Variants in CAMTA1 observed in about 807,000 individuals in gnomAD.
The protein encoded by CAMTA1 is calmodulin-binding transcription activator 1.
Under a neutral mutation model 170.9 loss-of-function variants are expected in CAMTA1, and 27 were observed. That is an observed-to-expected ratio of 0.16 (90% CI 0.12 to 0.22). CAMTA1 has a LOEUF of 0.22. Among genes scored for constraint, CAMTA1 ranks in the 10% least tolerant of loss-of-function variants. The pLI is 1.00. For missense variants in CAMTA1, 1,619 were observed against 2,217.2 expected, an observed-to-expected ratio of 0.73 and a Z score of 5.42; for synonymous variants, 833 against 891.5, an observed-to-expected ratio of 0.93 and a Z score of 1.17.
chr1:7,254,974 G>T (rs1667144527), intron 5 of CAMTA1, among the ~76,000 whole-genome samples: 1 of 152,196 alleles, frequency 6.6e-6, no homozygotes, highest in African/African-American at 2.4e-5. Context: ...CAGCAGGGAG[G>T]CGCTGCGTGT....
chr1:7,675,655 G>A (rs765149285), intron 10 of CAMTA1, among the ~76,000 whole-genome samples: 4 of 152,158 alleles, frequency 2.6e-5, no homozygotes, highest in East Asian at 1.9e-4. Context: ...TCTCAGGTGC[G>A]CTGATGTTGC....
chr1:7,419,296 C>A (rs2091404708), intron 5 of CAMTA1, among the ~76,000 whole-genome samples: 1 of 152,220 alleles, frequency 6.6e-6, no homozygotes, highest in African/African-American at 2.4e-5. Flanking sequence ...GCTGGGATTA[C>A]AGGCATCTGC....
chr1:7,055,415 A>T (rs1707146734), intron 3 of CAMTA1, among the ~76,000 whole-genome samples: 1 of 152,200 alleles, frequency 6.6e-6, no homozygotes, highest in Non-Finnish European at 1.5e-5. Flanking sequence ...AGCCTGACTT[A>T]GCATCCCTGA....
chr1:7,157,819 G>C (rs1057099638), intron 4 of CAMTA1, among the ~76,000 whole-genome samples: 16 of 152,176 alleles, frequency 1.1e-4, no homozygotes, highest in African/African-American at 3.9e-4. Flanking sequence ...GAGTGGACAA[G>C]TGGAGGTATT....
In CAMTA1 at chr1:7,685,026, C is replaced by T. The variant is rs559512119; in HGVS notation, c.2914+7293C>T. Among the ~76,000 whole-genome samples, 12 of 151,680 alleles carry T rather than the reference C, an allele frequency of 7.9e-5. No individual in the cohort carries two copies. Among genetic ancestry groups the T allele is most frequent in the Non-Finnish European group, 1.6e-4 (11 of 67,918 alleles). On this transcript the variant is annotated intron_variant, in intron 11 of 22. Transcript: ENST00000303635. This position sits in a 1 kb window ranked among gnomAD's most constrained non-coding sequence, Gnocchi z 5.7. The stretch of plus-strand genomic sequence containing the variant: ...GTCGGGGAGTTCACAGGCACCGTCC[C>T]GCGGTCACAGGTGGCATGTTTTGAG...
chr1:7,479,057 C>T (rs898503232), intron 6 of CAMTA1, among the ~76,000 whole-genome samples: 4 of 152,266 alleles, frequency 2.6e-5, no homozygotes, highest in Admixed American at 1.3e-4. Flanking sequence ...TGCGTGTGGA[C>T]GTCAGCAGCT....
In CAMTA1 at chr1:6,833,319, A is replaced by G. The variant is rs529193065; in HGVS notation, c.234+8109A>G. On this transcript the variant is annotated intron_variant, in intron 3 of 22. Transcript: ENST00000303635. ...CCTGGCCATAGTCAGTGTTCAATAA[A>G]TATTTGTTGGATGAATTAACGTAAA... is the stretch of plus-strand genomic sequence containing the variant. 2.6e-5 allele frequency among the ~76,000 whole-genome samples: 4 copies of G among 152,334 alleles called. No individual in the cohort carries two copies. In the East Asian group the frequency reaches 7.7e-4, roughly 29 times the overall value.
chr1:7,393,018 G>A (rs548743261), intron 5 of CAMTA1, among the ~76,000 whole-genome samples: 8 of 150,014 alleles, frequency 5.3e-5, no homozygotes, highest in East Asian at 2.0e-4. Flanking sequence ...GCGCCACTGC[G>A]TTCCAGCCTG....
At chr1:6,942,477 G>A (rs1376831908) in intron 3 of CAMTA1, among the ~76,000 whole-genome samples, 2 of 152,034 alleles carry the variant, frequency 1.3e-5, no homozygotes, top group African/African-American at 2.4e-5. Flanking sequence ...GGGCAACATA[G>A]TGAGACCCCT....
At chr1:7,087,905 T>C (rs1396614148) in intron 3 of CAMTA1, among the ~76,000 whole-genome samples, 2 of 152,162 alleles carry the variant, frequency 1.3e-5, no homozygotes, top group Non-Finnish European at 1.5e-5. Flanking sequence ...AAATACTTTG[T>C]GTGGTTTTCG....
chr1:7,046,624 T>G (rs1477199784), intron 3 of CAMTA1, among the ~76,000 whole-genome samples: 1 of 152,164 alleles, frequency 6.6e-6, no homozygotes, highest in Non-Finnish European at 1.5e-5. Context: ...CCCTTGAAGA[T>G]CTCATGGTTC....
At chr1:7,709,224 C>T (rs1416326310) in intron 11 of CAMTA1, among the ~76,000 whole-genome samples, 1 of 152,206 alleles carries the variant, frequency 6.6e-6, no homozygotes, top group African/African-American at 2.4e-5. Flanking sequence ...AGAGGGGCCC[C>T]ACCTAAGCTG....
intron 3 of CAMTA1, among the ~76,000 whole-genome samples, chr1:7,002,062 A>G (rs1021749607): frequency 2.6e-5 from 4 of 151,802 alleles, no homozygotes; most frequent in Admixed American, 1.3e-4. Flanking sequence ...ACGCCTGGAT[A>G]AATTTTTGTA....
intron 3 of CAMTA1, among the ~76,000 whole-genome samples, chr1:6,938,388 C>G (rs895933151): frequency 2.0e-5 from 3 of 152,080 alleles, no homozygotes; most frequent in Non-Finnish European, 2.9e-5. Flanking sequence ...AGAGCTGGCC[C>G]TGGGGACTTG....
intron 3 of CAMTA1, among the ~76,000 whole-genome samples, chr1:7,026,282 C>T (rs1282786551): frequency 1.3e-5 from 2 of 152,154 alleles, no homozygotes; most frequent in African/African-American, 4.8e-5. Context: ...CCTGCGGAGC[C>T]TGGGTAGTGG....
At chr1:7,412,591 C>G (rs1197231404) in intron 5 of CAMTA1, among the ~76,000 whole-genome samples, 2 of 148,726 alleles carry the variant, frequency 1.3e-5, no homozygotes, top group Admixed American at 7.0e-5. Flanking sequence ...CCTTCGCCCA[C>G]TTTTTGATGG....
chr1:7,276,891 T>A (rs1159806467), intron 5 of CAMTA1, among the ~76,000 whole-genome samples: 2 of 152,186 alleles, frequency 1.3e-5, no homozygotes, highest in Non-Finnish European at 2.9e-5. Flanking sequence ...AAGGCCAATA[T>A]TTTTTTGAAG....
chr1:7,292,227 A>G (rs932076273), intron 5 of CAMTA1, among the ~76,000 whole-genome samples: 25 of 152,168 alleles, frequency 1.6e-4, no homozygotes, highest in Non-Finnish European at 3.5e-4. Flanking sequence ...TGTGAGCTAG[A>G]GGGAAGGCTT....
At chr1:7,261,602 A>G (rs961098554) in intron 5 of CAMTA1, among the ~76,000 whole-genome samples, 1 of 152,238 alleles carries the variant, frequency 6.6e-6, no homozygotes, top group African/African-American at 2.4e-5. Flanking sequence ...ACAGCAGATC[A>G]GAATGCCCCG....
Sources: gnomAD v4.1 joint callset for allele counts (sites outside exome capture counted in the v4.1 genomes callset) on GRCh38, gnomAD v4.1.1 for gene constraint, Gnocchi (gnomAD v3.1) non-coding constraint, MANE v1.5 for transcripts, NCBI Gene and HGNC (gene_info 2026-07-23, HGNC 2026-07-21) for gene names.